The following DTNA variants were observed in gnomAD, a reference collection of about 807,000 sequenced individuals.
DTNA encodes the protein dystrophin-related protein 3.
Under a neutral mutation model 100.7 loss-of-function variants are expected in DTNA, and 43 were observed. That is an observed-to-expected ratio of 0.43 (90% CI 0.33 to 0.55). The LOEUF is 0.55. Ranked by LOEUF, DTNA falls within the 20% of genes least tolerant of loss-of-function variation. The probability of loss-of-function intolerance (pLI) is 0.04; values close to 1 mark genes in which losing one functional copy is unlikely to be tolerated. For missense variants in DTNA, 798 were observed against 953.9 expected (o/e 0.84, Z 2.15); for synonymous variants, 349 against 347.9 (o/e 1.00, Z -0.04).
intron 1 of DTNA, among the ~76,000 whole-genome samples, chr18:34,720,793 C>A (rs1038168641): frequency 6.6e-6 from 1 of 152,136 alleles, no homozygotes; most frequent in African/African-American, 2.4e-5. Context: ...GAATCTCTCT[C>A]TAGAGGTTTG....
chr18:34,578,971 ATTTG>A (rs1166257649), intron 1 of DTNA, among the ~76,000 whole-genome samples: 1 of 150,898 alleles, frequency 6.6e-6, no homozygotes, highest in Non-Finnish European at 1.5e-5. Flanking sequence ...TGTGTTCCTT[ATTTG>A]TTTGCTTTCC....
At chr18:34,539,847 CTTCT>C (rs1268471799) in intron 1 of DTNA, among the ~76,000 whole-genome samples, 1 of 151,450 alleles carries the variant, frequency 6.6e-6, no homozygotes, top group African/African-American at 2.4e-5. Context: ...GAAAATGTTC[CTTCT>C]ATTTTATATA....
At chr18:34,870,874 C>A (rs2096758404) in intron 17 of DTNA, among the ~76,000 whole-genome samples, 1 of 152,204 alleles carries the variant, frequency 6.6e-6, no homozygotes, top group Non-Finnish European at 1.5e-5. Context: ...AATGATGCCT[C>A]CTGCCTGAAC....
At chr18:34,693,996 A>G (rs530915081) in intron 1 of DTNA, among the ~76,000 whole-genome samples, 30 of 152,322 alleles carry the variant, frequency 2.0e-4, no homozygotes, top group African/African-American at 7.2e-4. Flanking sequence ...TTGGTCTACT[A>G]CTGTTATATG....
intron 11 of DTNA, among the ~76,000 whole-genome samples, chr18:34,833,404 C>CTG (rs58409064): frequency 0.055 from 7,920 of 144,918 alleles, 228 homozygotes; most frequent in East Asian, 0.065. Context: ...CATTGTGTCA[C>CTG]TGTGTGTGTG....
chr18:34,748,789 T>C (rs1357371362), intron 1 of DTNA, among the ~76,000 whole-genome samples: 1 of 152,216 alleles, frequency 6.6e-6, no homozygotes, highest in Admixed American at 6.5e-5. Flanking sequence ...CAATGTGGGC[T>C]CTTTTTTGGT....
intron 11 of DTNA, among the ~76,000 whole-genome samples, chr18:34,831,812 T>C (rs1047537949): frequency 2.0e-5 from 3 of 152,144 alleles, no homozygotes; most frequent in African/African-American, 4.8e-5. Flanking sequence ...GTAGTTCCTA[T>C]AGGGAGAGTG....
At chr18:34,733,033 C>T (rs895343610) in intron 1 of DTNA, among the ~76,000 whole-genome samples, 1 of 152,190 alleles carries the variant, frequency 6.6e-6, no homozygotes, top group African/African-American at 2.4e-5. Context: ...GGGTCCCCTG[C>T]AATCAATGTC....
chr18:34,867,820 C>G, intron 17 of DTNA: 1 of 985,452 alleles, frequency 1.0e-6, no homozygotes, highest in East Asian at 1.1e-4. Flanking sequence ...CACCTTCCAG[C>G]TCCTCTCCAC....
chr18:34,844,659 T>C (rs1004059552), intron 13 of DTNA, among the ~76,000 whole-genome samples: 23 of 152,150 alleles, frequency 1.5e-4, no homozygotes, highest in African/African-American at 5.1e-4. Flanking sequence ...AGAAAAAATA[T>C]GAAAAGAAAA....
At chr18:34,797,646 C>T (rs1197307191) in intron 4 of DTNA, among the ~76,000 whole-genome samples, 2 of 152,128 alleles carry the variant, frequency 1.3e-5, no homozygotes, top group African/African-American at 4.8e-5. Flanking sequence ...TAGAGAGTAA[C>T]TCAAAAGAAA....
intron 1 of DTNA, among the ~76,000 whole-genome samples, chr18:34,565,187 G>T (rs2046980438): frequency 6.6e-6 from 1 of 152,168 alleles, no homozygotes. Flanking sequence ...ATTATATGTA[G>T]ATTTATGCTA....
intron 17 of DTNA, chr18:34,867,177 T>TTTCTATTATTCATTATG (rs2096714953): frequency 8.1e-7 from 1 of 1,231,408 alleles, no homozygotes; most frequent in South Asian, 4.1e-5. Flanking sequence ...TTTCATTTCT[T>TTTCTATTATTCATTATG]CTGTATGCTC....
intron 1 of DTNA, among the ~76,000 whole-genome samples, chr18:34,499,890 A>G (rs2039701705): frequency 6.6e-6 from 1 of 152,112 alleles, no homozygotes; most frequent in African/African-American, 2.4e-5. Flanking sequence ...TGTGGTTTGC[A>G]TTGGGAATAT....
Position 34,881,437 on chromosome 18 carries a change from C to CTTTTTTTTTTTTTTTT in DTNA, c.2163-622_2163-607dup, listed in dbSNP as rs752828928. Among the ~76,000 whole-genome samples the CTTTTTTTTTTTTTTTT allele has an allele frequency of 7.8e-5, 4 of 51,398 alleles. 1 individual carries two copies. The highest frequency in any genetic ancestry group is 1.1e-4 in the Non-Finnish European group (3 of 28,454). The allele number at this position is 51,398 out of a possible 152,430, so 33.7% of individuals were successfully genotyped here. A position where few individuals can be genotyped will look rare whatever the true frequency, so the allele number is the denominator to read the frequency against. On this transcript the variant is annotated intron_variant, in intron 20 of 22. Transcript: ENST00000444659. ...ATAGTGGAATTGGATAATTAAAATG[C>CTTTTTTTTTTTTTTTT]TTTTTTTTTTTTTTTTTTTTTTTTT... is the stretch of plus-strand genomic sequence containing the variant.
At chr18:34,703,967 C>G (rs897821222) in intron 1 of DTNA, among the ~76,000 whole-genome samples, 1 of 152,140 alleles carries the variant, frequency 6.6e-6, no homozygotes, top group Non-Finnish European at 1.5e-5. Flanking sequence ...TTCTTTCCCC[C>G]AAATCACCTT....
chr18:34,493,432 C>T (rs1285291460), exon 1 of DTNA: 1 of 152,532 alleles, frequency 6.6e-6, no homozygotes, highest in African/African-American at 2.4e-5. Context: ...GGCTCCTACT[C>T]CAGGCTCAAA....
chr18:34,877,606 A>C (rs1050248971), intron 18 of DTNA, 113 bp from the exon 19 acceptor site: 1 of 849,524 alleles, frequency 1.2e-6, no homozygotes, highest in Non-Finnish European at 1.9e-6. Flanking sequence ...GAAAAGGAGA[A>C]GTCTTAGAAG....
intron 12 of DTNA, 42 bp from the exon 13 acceptor site, chr18:34,838,703 C>G (rs1306959020): frequency 6.4e-7 from 1 of 1,552,922 alleles, no homozygotes; most frequent in Admixed American, 1.7e-5. Context: ...TTCTGTCCAC[C>G]TCTCTTAACA....
Sources: allele counts gnomAD v4.1 joint callset (sites outside exome capture counted in the v4.1 genomes callset), GRCh38; gene constraint gnomAD v4.1.1; transcripts MANE v1.5; gene names NCBI Gene and HGNC (gene_info 2026-07-23, HGNC 2026-07-21).